Variants in ITGBL1 observed in about 807,000 individuals in gnomAD.
ITGBL1 encodes integrin subunit beta like 1.
A neutral mutation model predicts 68.5 loss-of-function variants in ITGBL1; 51 were observed. The observed-to-expected ratio is 0.74, with a 90% confidence interval of 0.59 to 0.94. The LOEUF is 0.94. Ranked by LOEUF, ITGBL1 falls within the 40% of genes least tolerant of loss-of-function variation. The pLI, the probability that ITGBL1 is intolerant of heterozygous loss-of-function variation, is 0.00. For missense variants in ITGBL1, 649 were observed against 647.4 expected (o/e 1.00, Z -0.03); for synonymous variants, 209 against 227.3 (o/e 0.92, Z 0.72).
intron 6 of ITGBL1, among the ~76,000 whole-genome samples, chr13:101,592,459 A>C (rs2050671292): frequency 6.6e-6 from 1 of 152,168 alleles, no homozygotes; most frequent in South Asian, 2.1e-4. Context: ...CAAGGATGTG[A>C]AAGATTATTG....
At chr13:101,535,388 T>C (rs1297460114) in intron 2 of ITGBL1, among the ~76,000 whole-genome samples, 2 of 152,106 alleles carry the variant, frequency 1.3e-5, no homozygotes, top group Non-Finnish European at 2.9e-5. Flanking sequence ...TGCTTGGAGT[T>C]AATGCTAGAC....
chr13:101,474,453 C>T (rs2048506992), intron 2 of ITGBL1, among the ~76,000 whole-genome samples: 1 of 152,180 alleles, frequency 6.6e-6, no homozygotes, highest in Admixed American at 6.5e-5. Flanking sequence ...CGCACTGGCT[C>T]ATGGACAGCA....
intron 2 of ITGBL1, among the ~76,000 whole-genome samples, chr13:101,500,797 G>C (rs992052153): frequency 1.3e-5 from 2 of 152,136 alleles, no homozygotes; most frequent in African/African-American, 4.8e-5. Flanking sequence ...GGATACACAT[G>C]TAAGTCCTTT....
intron 2 of ITGBL1, among the ~76,000 whole-genome samples, chr13:101,518,830 A>G (rs1411122535): frequency 6.6e-6 from 1 of 152,202 alleles, no homozygotes; most frequent in Non-Finnish European, 1.5e-5. Flanking sequence ...GCTTAATCCA[A>G]TAATCTCATG....
At chr13:101,503,808 A>T (rs1256608801) in intron 2 of ITGBL1, among the ~76,000 whole-genome samples, 3 of 152,204 alleles carry the variant, frequency 2.0e-5, no homozygotes, top group Non-Finnish European at 4.4e-5. Context: ...GATGGACTAG[A>T]TGATGGATGC....
At chr13:101,508,082 C>G (rs2049054819) in intron 2 of ITGBL1, among the ~76,000 whole-genome samples, 1 of 152,134 alleles carries the variant, frequency 6.6e-6, no homozygotes, top group Non-Finnish European at 1.5e-5. Flanking sequence ...CACAGCTTAC[C>G]TCTCCCACTT....
chr13:101,619,168 G>C (rs2031487276), intron 7 of ITGBL1, among the ~76,000 whole-genome samples: 1 of 152,068 alleles, frequency 6.6e-6, no homozygotes, highest in African/African-American at 2.4e-5. Flanking sequence ...CCAAATGACA[G>C]CACAACAGGA....
intron 2 of ITGBL1, among the ~76,000 whole-genome samples, chr13:101,498,190 T>G (rs900627301): frequency 1.3e-5 from 2 of 152,170 alleles, no homozygotes; most frequent in African/African-American, 4.8e-5. Context: ...CTCATATAGC[T>G]TCTATTGGGA....
Position 101,539,360 on chromosome 13 carries a change from T to C in ITGBL1, c.317-28339T>C, listed in dbSNP as rs1273131770. ...GAATGATGGTTTCCAGCTTCATCCA[T>C]GTCCCTACAAAGGACATGAACTCAT... On this transcript the variant is annotated intron_variant, in intron 2 of 10. Transcript: ENST00000376180. 7.9e-5 allele frequency among the ~76,000 whole-genome samples: 12 copies of C among 152,198 alleles called. No individual in the cohort carries two copies. The East Asian group carries it at 1.7e-3, about 22-fold the overall frequency.
At chr13:101,491,968 T>C (rs909601220) in intron 2 of ITGBL1, among the ~76,000 whole-genome samples, 1 of 152,194 alleles carries the variant, frequency 6.6e-6, no homozygotes, top group Non-Finnish European at 1.5e-5. Context: ...GAACTCATCC[T>C]TTTTTATGGC....
chr13:101,631,880 T>C (rs1473616825), intron 7 of ITGBL1, among the ~76,000 whole-genome samples: 2 of 152,070 alleles, frequency 1.3e-5, no homozygotes, highest in Non-Finnish European at 2.9e-5. Context: ...ATATAAATGT[T>C]TGAAAAAGAA....
chr13:101,649,654 A>G (rs1049828921), intron 7 of ITGBL1, among the ~76,000 whole-genome samples: 1 of 152,134 alleles, frequency 6.6e-6, no homozygotes, highest in African/African-American at 2.4e-5. Context: ...AAGGATCATG[A>G]TTTCTCAATT....
chr13:101,465,015 A>T (rs2048364807), intron 2 of ITGBL1, among the ~76,000 whole-genome samples: 1 of 152,208 alleles, frequency 6.6e-6, no homozygotes, highest in Non-Finnish European at 1.5e-5. Context: ...GAATGCCATG[A>T]AAACAATGAC....
In ITGBL1 at chr13:101,715,584, G is replaced by A. The variant is rs1185650639; in HGVS notation, c.1415G>A (p.Gly472Glu). ...ICTGNGICSCGNCECWDGWNG... is the reference protein window; with the variant it reads ...ICTGNGICSCENCECWDGWNG... ...GCAGGGAATGGAATATGTAGCTGTG[G>A]AAACTGTGAATGCTGGGATGGATGG... The change falls in exon 11 of 11, where the codon GGA becomes GAA. Residue 472 changes from glycine to glutamate, a missense_variant. Transcript: ENST00000376180. 1 of 1,613,040 alleles carries A rather than the reference G, an allele frequency of 6.2e-7. No individual in the cohort carries two copies. The highest frequency in any genetic ancestry group is 8.5e-7 in the Non-Finnish European group (1 of 1,179,104).
At chr13:101,598,077 G>A (rs2030093889) in intron 6 of ITGBL1, 76 bp from the exon 7 acceptor site, 1 of 1,303,496 alleles carries the variant, frequency 7.7e-7, no homozygotes, top group Non-Finnish European at 1.1e-6. Context: ...TGTGACATTT[G>A]CTGTTAGAAT....
intron 2 of ITGBL1, among the ~76,000 whole-genome samples, chr13:101,467,649 A>G (rs1473826634): frequency 6.6e-6 from 1 of 152,226 alleles, no homozygotes; most frequent in African/African-American, 2.4e-5. Flanking sequence ...GGCTTTATAA[A>G]GAGAAAAGAA....
chr13:101,615,468 T>C (rs1343342211), intron 7 of ITGBL1, among the ~76,000 whole-genome samples: 3 of 152,164 alleles, frequency 2.0e-5, no homozygotes, highest in African/African-American at 7.2e-5. Flanking sequence ...TATACTACTT[T>C]ATTTGCTGAT....
chr13:101,636,092 T>A (rs1202122091), intron 7 of ITGBL1, among the ~76,000 whole-genome samples: 1 of 152,122 alleles, frequency 6.6e-6, no homozygotes, highest in African/African-American at 2.4e-5. Flanking sequence ...CTTTTCCTTG[T>A]ATTTTATTCT....
At chr13:101,495,480 T>C (rs943847695) in intron 2 of ITGBL1, among the ~76,000 whole-genome samples, 1 of 152,176 alleles carries the variant, frequency 6.6e-6, no homozygotes, top group African/African-American at 2.4e-5. Flanking sequence ...CCCTCAAGGT[T>C]TGGCTTTCTA....
Sources: gnomAD v4.1 joint callset for allele counts (sites outside exome capture counted in the v4.1 genomes callset) on GRCh38, gnomAD v4.1.1 for gene constraint, MANE v1.5 for transcripts, NCBI Gene and HGNC (gene_info 2026-07-23, HGNC 2026-07-21) for gene names.